ZNF383: variants seen among roughly 807,000 people sequenced by gnomAD.
ZNF383 encodes zinc finger protein 383.
A neutral mutation model predicts 44.2 loss-of-function variants in ZNF383; 32 were observed. The ratio of observed to expected loss-of-function variants is 0.72; its 90% CI spans 0.55 to 0.97. ZNF383 has a LOEUF of 0.97. Ranked by LOEUF, ZNF383 falls within the 50% of genes least tolerant of loss-of-function variation. The pLI is 0.00. For synonymous variants in ZNF383, 155 were observed against 186.2 expected, an observed-to-expected ratio of 0.83 and a Z score of 1.36; for missense variants, 487 against 562.5, an observed-to-expected ratio of 0.87 and a Z score of 1.36.
chr19:37,243,504 A>C lies in ZNF383; in HGVS notation c.1268A>C (p.Glu423Ala). ...ATTCATACAGATGAAAAACCATATGAATGTAATGAATGTGGAAAGGCCTTT... is the reference window on the plus strand; with the variant it reads ...ATTCATACAGATGAAAAACCATATGCATGTAATGAATGTGGAAAGGCCTTT... Reference protein sequence around the residue: ...QRIHTDEKPYECNECGKAFNK... With the variant: ...QRIHTDEKPYACNECGKAFNK... The change falls in exon 6 of 6, where the codon GAA (glutamate) becomes GCA (alanine). Residue 423 changes from glutamate to alanine, a missense_variant. Glu to Ala is a moderately radical substitution (Grantham distance 107). Transcript: ENST00000684119. The C allele has an allele frequency of 6.2e-7, 1 of 1,614,076 alleles. No homozygotes were observed. Among genetic ancestry groups the C allele is most frequent in the African/African-American group, 1.3e-5 (1 of 75,006 alleles).
chr19:37,240,254 T>TA (rs1189742722), intron 5 of ZNF383, among the ~76,000 whole-genome samples: 2 of 152,194 alleles, frequency 1.3e-5, no homozygotes, highest in Non-Finnish European at 2.9e-5. Context: ...GATACTCCAA[T>TA]AGGCTTCATT....
At chr19:37,221,684 C>T (rs533834516) in intron 1 of ZNF383, among the ~76,000 whole-genome samples, 2 of 151,422 alleles carry the variant, frequency 1.3e-5, no homozygotes, top group East Asian at 3.9e-4. Context: ...CGCGGTGGCT[C>T]GTGCCTGTAA....
At chr19:37,237,253 A>T (rs151017919) in intron 5 of ZNF383, among the ~76,000 whole-genome samples, 8 of 152,318 alleles carry the variant, frequency 5.3e-5, no homozygotes, top group African/African-American at 1.9e-4. Flanking sequence ...GAAATGAGAT[A>T]AGGAGTTTAG....
rs35250551 is a variant in ZNF383, at chr19:37,227,110, C to CTTTTTTT, written c.-46+2186_-46+2192dup. On this transcript the variant is annotated intron_variant, in intron 2 of 5. Coordinates refer to ENST00000684119, the MANE Select transcript of ZNF383 (RefSeq NM_001387601.1). ...GCATGAGCCACTGCACCCAGCCAGG[C>CTTTTTTT]TTTTTTTTTTTTTTTTTTTTTGAGA... 2.6e-4 allele frequency among the ~76,000 whole-genome samples: 24 copies of CTTTTTTT among 92,042 alleles called. 2 individuals carry two copies. Among genetic ancestry groups the CTTTTTTT allele is most frequent in the African/African-American group, 3.9e-4 (8 of 20,578 alleles). 60.4% of individuals were successfully genotyped at this position (92,042 alleles called of 152,430 possible). A position where few individuals can be genotyped will look rare whatever the true frequency, so the allele number is the denominator to read the frequency against.
In ZNF383 at chr19:37,246,692, G is replaced by A. The variant is rs543588681; in HGVS notation, c.*3028G>A. 1 of 152,312 alleles carries A rather than the reference G, an allele frequency of 6.6e-6. No individual in the cohort carries two copies. Among genetic ancestry groups the A allele is most frequent in the East Asian group, 1.9e-4 (1 of 5,182 alleles). 9.4% of individuals were successfully genotyped at this position (152,312 alleles called of 1,614,324 possible). ...TAATCCTAGCTACTCAAGAGGCTGA[G>A]GTGGGAGGATTGCTTGAACCTGGGA... is the stretch of plus-strand genomic sequence containing the variant. On this transcript the variant is annotated 3_prime_UTR_variant, in exon 6 of 6. Transcript: ENST00000684119.
rs1266695722 is a variant in ZNF383, at chr19:37,243,758, A to G, written c.*94A>G. The G allele has an allele frequency of 1.8e-5, 16 of 874,694 alleles. No homozygotes were observed. Among genetic ancestry groups the G allele is most frequent in the Admixed American group, 3.1e-5 (1 of 32,572 alleles). The allele number at this position is 874,694 out of a possible 1,614,324, so 54.2% of individuals were successfully genotyped here. On this transcript the variant is annotated 3_prime_UTR_variant, in exon 6 of 6. Coordinates refer to ENST00000684119, the MANE Select transcript of ZNF383 (RefSeq NM_001387601.1). The stretch of plus-strand genomic sequence containing the variant: ...TCCGTAGTTTTTTTTAAAACTTTGT[A>G]TTTAAATTTTGTATCCAAATGTATT...
chr19:37,230,721 A>G (rs1973447825), intron 3 of ZNF383, among the ~76,000 whole-genome samples: 1 of 152,182 alleles, frequency 6.6e-6, no homozygotes, highest in African/African-American at 2.4e-5. Context: ...AAGGACTATG[A>G]TAGGGGATGA....
chr19:37,240,511 T>C (rs1486599025), intron 5 of ZNF383, among the ~76,000 whole-genome samples: 2 of 152,234 alleles, frequency 1.3e-5, no homozygotes, highest in Non-Finnish European at 2.9e-5. Context: ...AATCTGCTTC[T>C]GGTTCCTGTT....
intron 5 of ZNF383, among the ~76,000 whole-genome samples, chr19:37,238,702 G>C (rs542908885): frequency 6.6e-6 from 1 of 152,162 alleles, no homozygotes; most frequent in Non-Finnish European, 1.5e-5. Context: ...TGCATGCTGG[G>C]TGCAGGTCAG....
chr19:37,232,536 G>A (rs886187875), intron 3 of ZNF383, among the ~76,000 whole-genome samples: 7 of 152,084 alleles, frequency 4.6e-5, no homozygotes, highest in Admixed American at 2.0e-4. Flanking sequence ...GATGCACATC[G>A]TATCTGGTTC....
chr19:37,224,677 C>T (rs1047391751), intron 1 of ZNF383, 141 bp from the exon 2 acceptor site: 4 of 151,250 alleles, frequency 2.6e-5, no homozygotes, highest in Admixed American at 2.0e-4. Context: ...CACAGCCTCC[C>T]GGGTAGCTGG....
chr19:37,228,692 T>C (rs2145492957), intron 2 of ZNF383, among the ~76,000 whole-genome samples: 1 of 152,214 alleles, frequency 6.6e-6, no homozygotes, highest in East Asian at 1.9e-4. Flanking sequence ...TGATGGGTCC[T>C]TCTGGCTTTG....
In ZNF383 at chr19:37,235,980, A is replaced by G. The variant is rs1399946559; in HGVS notation, c.138A>G (p.Gly46=). 1 of 1,612,042 alleles carries G rather than the reference A, an allele frequency of 6.2e-7. No homozygotes were observed. Among genetic ancestry groups the G allele is most frequent in the East Asian group, 2.2e-5 (1 of 44,852 alleles). ...TTCCATATCTTTTCTCGTGAGCAGG[A>G]CTTTACACTCCTAAGCCTCAAGTGA... ...LENYGNLVSM[G]LYTPKPQVIS... is the part of the protein sequence containing the mutation. Residue 46 remains glycine, a splice_region_variant and synonymous_variant, in exon 5 of 6, where the codon GGA becomes GGG. Coordinates refer to ENST00000684119, the MANE Select transcript of ZNF383 (RefSeq NM_001387601.1).
At chr19:37,236,121 C>T (rs1973777995) in intron 5 of ZNF383, 47 bp downstream of exon 5, 1 of 1,487,582 alleles carries the variant, frequency 6.7e-7, no homozygotes, top group Non-Finnish European at 9.3e-7. Flanking sequence ...TAGGTCAGAA[C>T]TCAGCTGGTC....
At position 37,246,263 on chromosome 19, in the gene ZNF383, A is replaced by T. The variant is rs1974372478; in HGVS notation, c.*2599A>T. ...TATTATCAGTGATATACTCATTATC[A>T]TAAGTATCTTCATTAGGATTTATGG... On this transcript the variant is annotated 3_prime_UTR_variant, in exon 6 of 6. Coordinates refer to ENST00000684119, the MANE Select transcript of ZNF383 (RefSeq NM_001387601.1). 6.6e-6 allele frequency: 1 copy of T among 152,228 alleles called. No individual in the cohort carries two copies. The highest frequency in any genetic ancestry group is 1.5e-5 in the Non-Finnish European group (1 of 68,042). The allele number at this position is 152,228 out of a possible 1,614,324, so 9.4% of individuals were successfully genotyped here.
chr19:37,222,539 G>A (rs556391646), intron 1 of ZNF383, among the ~76,000 whole-genome samples: 1 of 152,148 alleles, frequency 6.6e-6, no homozygotes, highest in South Asian at 2.1e-4. Context: ...ACCACACCCA[G>A]CTAATTTTTT....
chr19:37,236,954 A>AACACACACACAC (rs35036376), intron 5 of ZNF383, among the ~76,000 whole-genome samples: 213 of 146,858 alleles, frequency 1.5e-3, no homozygotes, highest in East Asian at 7.4e-3. Context: ...CACACATGTG[A>AACACACACACAC]ACACACACAC....
Position 37,247,773 on chromosome 19 carries a change from TGAC to T in ZNF383, c.*4113_*4115del, listed in dbSNP as rs1244943350. On this transcript the variant is annotated 3_prime_UTR_variant, in exon 6 of 6. Transcript: ENST00000684119. ...AAAAAGTCTGTGATTTTTAATAAGT[TGAC>T]GACATCAGAATTAACTGGAGGTGTA... The T allele has an allele frequency of 6.6e-6, 1 of 152,222 alleles. No individual in the cohort carries two copies. Among genetic ancestry groups the T allele is most frequent in the African/African-American group, 2.4e-5 (1 of 41,448 alleles). The allele number at this position is 152,222 out of a possible 1,614,324, so 9.4% of individuals were successfully genotyped here.
At chr19:37,236,460 T>C (rs993494469) in intron 5 of ZNF383, among the ~76,000 whole-genome samples, 1 of 152,048 alleles carries the variant, frequency 6.6e-6, no homozygotes, top group African/African-American at 2.4e-5. Flanking sequence ...TGATCATAAC[T>C]TATTGTAGGC....
Sources: gnomAD v4.1 joint callset for allele counts (sites outside exome capture counted in the v4.1 genomes callset) on GRCh38, gnomAD v4.1.1 for gene constraint, MANE v1.5 for transcripts, NCBI Gene and HGNC (gene_info 2026-07-23, HGNC 2026-07-21) for gene names.